The following INF2 variants were observed in gnomAD, a reference collection of about 807,000 sequenced individuals.
INF2 encodes the protein inverted formin-2.
A neutral mutation model predicts 123.5 loss-of-function variants in INF2; 43 were observed. The ratio of observed to expected loss-of-function variants is 0.35; its 90% CI spans 0.27 to 0.45. INF2 has a LOEUF of 0.45. Ranked by LOEUF, INF2 falls within the 20% of genes least tolerant of loss-of-function variation. The pLI, the probability that INF2 is intolerant of heterozygous loss-of-function variation, is 1.00. For synonymous variants in INF2, 851 were observed against 745.0 expected (o/e 1.14, Z -2.32); for missense variants, 1,453 against 1,682.7 (o/e 0.86, Z 2.39).
intron 19 of INF2, 54 bp downstream of exon 19, chr14:104,713,363 G>C: frequency 6.4e-7 from 1 of 1,559,210 alleles, no homozygotes; most frequent in Non-Finnish European, 8.7e-7. Flanking sequence ...CCTTGTCTGT[G>C]CTCCAGCCTC....
At chr14:104,715,833 G>A in intron 22 of INF2, 1 of 460,648 alleles carries the variant, frequency 2.2e-6, no homozygotes, top group Non-Finnish European at 4.3e-6. Flanking sequence ...ATGTCCCCAG[G>A]AAGTCTGTGA....
intron 15 of INF2, 34 bp downstream of exon 15, chr14:104,711,220 C>T: frequency 6.6e-7 from 1 of 1,504,368 alleles, no homozygotes. Context: ...AATGGGAGGG[C>T]TTCAAGTCCC....
rs749017297 is a variant in INF2 at position 104,709,362 on chromosome 14, G to A, written c.2031G>A (p.Lys677=). 6.2e-7 allele frequency: 1 copy of A among 1,612,950 alleles called. No individual in the cohort carries two copies. Among genetic ancestry groups the A allele is most frequent in the Non-Finnish European group, 8.5e-7 (1 of 1,179,778 alleles). ...TGGAGGTTCTCAAACAACTCCTTAA[G>A]CTCCTTCCCGAGAAGCACGAGGTAA... The part of the protein sequence containing the change: ...FDVEVLKQLL[K]LLPEKHEIEN... Residue 677 remains lysine (K), a synonymous_variant, in exon 11 of 23, where the codon AAG becomes AAA. Transcript: ENST00000392634.
upstream of INF2, chr14:104,689,535 G>T: frequency 1.8e-6 from 1 of 566,780 alleles, no homozygotes; most frequent in Non-Finnish European, 2.1e-6. Flanking sequence ...CCCGCCCCCG[G>T]CCCGCGCTCG....
intron 13 of INF2, among the ~76,000 whole-genome samples, chr14:104,710,403 A>G (rs1889991812): frequency 6.6e-6 from 1 of 151,434 alleles, no homozygotes; most frequent in Non-Finnish European, 1.5e-5. Context: ...GCCCACCGCC[A>G]CTCGGGCACG....
Position 104,701,118 on chromosome 14 carries a change from C to G in INF2, c.-9-239C>G, listed in dbSNP as rs147683425. On this transcript the variant is annotated intron_variant, in intron 1 of 22. Coordinates refer to ENST00000392634, the MANE Select transcript of INF2 (RefSeq NM_022489.4). Reference sequence around the variant, plus strand: ...AGCCCTGAGCCTCGGGGTCCTCATGCGCGCAGTAGGGCCCTTCCTGCCTGC... The same window carrying G: ...AGCCCTGAGCCTCGGGGTCCTCATGGGCGCAGTAGGGCCCTTCCTGCCTGC... Among the ~76,000 whole-genome samples the G allele has an allele frequency of 3.3e-5, 5 of 152,242 alleles. No homozygotes were observed. The East Asian group carries it at 7.7e-4, about 24-fold the overall frequency.
chr14:104,681,567 G>A (rs746573786), exon 1 of INF2: 2 of 1,289,120 alleles, frequency 1.6e-6, no homozygotes, highest in Non-Finnish European at 2.0e-6. Context: ...CACTTCAATT[G>A]GAAAATATGG....
chr14:104,702,245 C>T (rs542883698), intron 2 of INF2, among the ~76,000 whole-genome samples: 1 of 152,284 alleles, frequency 6.6e-6, no homozygotes, highest in African/African-American at 2.4e-5. Context: ...CCAGCGCCTT[C>T]CCTAGCGCCT....
Position 104,701,550 on chromosome 14 carries a change from G to C in INF2, c.185G>C (p.Gly62Ala). 1.2e-6 allele frequency: 2 copies of C among 1,608,586 alleles called. No individual in the cohort carries two copies. Among genetic ancestry groups the C allele is most frequent in the Non-Finnish European group, 1.7e-6 (2 of 1,178,828 alleles). ...GLRKRLEGSD[G>A]GWMVQFLEQS... The stretch of plus-strand genomic sequence containing the variant: ...CGCAAGCGCCTGGAGGGCAGCGACG[G>C]CGGCTGGATGGTGCAGTTCCTGGAG... Residue 62 changes from glycine (G) to alanine (A), a missense_variant, in exon 2 of 23, where the codon GGC becomes GCC. By Grantham distance (60) the Gly-to-Ala change is moderately conservative (BLOSUM62 0). Transcript: ENST00000392634.
At chr14:104,689,590 T>TCCCC, upstream of INF2, 1 of 646,936 alleles carries the variant, frequency 1.5e-6, no homozygotes, top group Non-Finnish European at 1.9e-6. Flanking sequence ...CTCCTCTTCC[T>TCCCC]CCCGCCCGCC....
intron 17 of INF2, 54 bp from the exon 18 acceptor site, chr14:104,712,774 C>T (rs184258839): frequency 1.3e-5 from 20 of 1,542,774 alleles, no homozygotes; most frequent in African/African-American, 1.1e-4. Flanking sequence ...GGCCTCACCC[C>T]GGGTGGTGCC....
chr14:104,712,917 C>G lies in INF2; in HGVS notation c.2700C>G (p.Asp900Glu). Residue 900 changes from aspartate to glutamate, a missense_variant, in exon 18 of 23, where the codon GAC (aspartate) becomes GAG (glutamate). By Grantham distance (45) the Asp-to-Glu change is conservative. Around this residue, in one of 8 missense-constraint regions of INF2, gnomAD observed 212 missense variants for 266.2 expected, o/e 0.80. Transcript: ENST00000392634. ...QRELADYLCEDAQQLSLEDTF... is the reference protein window; with the variant it reads ...QRELADYLCEEAQQLSLEDTF... ...AGCTGGCCGACTACCTGTGTGAGGA[C>G]GCCCAGCAGCTGTCCCTGGAGGACA... The G allele has an allele frequency of 6.2e-7, 1 of 1,612,720 alleles. No homozygotes were observed. The highest frequency in any genetic ancestry group is 8.5e-7 in the Non-Finnish European group (1 of 1,179,816).
At chr14:104,685,433 T>C (rs949297408), upstream of INF2, among the ~76,000 whole-genome samples, 1 of 152,060 alleles carries the variant, frequency 6.6e-6, no homozygotes, top group Non-Finnish European at 1.5e-5. Flanking sequence ...AGCTGCCAGC[T>C]ACAGAGCAAA....
intron 8 of INF2, 154 bp downstream of exon 8, chr14:104,708,156 G>A (rs1013126510): frequency 1.0e-5 from 13 of 1,256,314 alleles, no homozygotes; most frequent in South Asian, 1.4e-5. Flanking sequence ...GGCGCCTGTG[G>A]TTGAGGTGGG....
At chr14:104,687,161 G>A (rs1041537861), upstream of INF2, among the ~76,000 whole-genome samples, 4 of 152,138 alleles carry the variant, frequency 2.6e-5, no homozygotes, top group Non-Finnish European at 4.4e-5. The surrounding 1 kb of genome is among the most constrained non-coding windows in gnomAD (Gnocchi z 5.6). Flanking sequence ...TCCGGAAGCC[G>A]CAGGCAGTGG....
chr14:104,700,736 C>T (rs1889439114), intron 1 of INF2: 3 of 548,242 alleles, frequency 5.5e-6, no homozygotes, highest in South Asian at 7.9e-5. Flanking sequence ...CAAGGGTTTC[C>T]GTCTTCCTGT....
At chr14:104,693,302 C>T (rs1376117466) in intron 1 of INF2, among the ~76,000 whole-genome samples, 1 of 152,164 alleles carries the variant, frequency 6.6e-6, no homozygotes, top group Non-Finnish European at 1.5e-5. Flanking sequence ...GATTGGAGGG[C>T]TGTCCTACTG....
chr14:104,682,385 A>G (rs946091537), intron 1 of INF2, among the ~76,000 whole-genome samples: 15 of 152,214 alleles, frequency 9.9e-5, no homozygotes, highest in African/African-American at 1.9e-4. Context: ...TTTCCATGAA[A>G]AAAGCATAGT....
At chr14:104,687,809 C>G (rs970251494), upstream of INF2, among the ~76,000 whole-genome samples, 1 of 152,224 alleles carries the variant, frequency 6.6e-6, no homozygotes, top group Non-Finnish European at 1.5e-5. This position sits in a 1 kb window ranked among gnomAD's most constrained non-coding sequence, Gnocchi z 5.6. Context: ...GACTTTCCCC[C>G]AGGCAGGTGG....
Sources: allele counts gnomAD v4.1 joint callset (sites outside exome capture counted in the v4.1 genomes callset), GRCh38; gene constraint gnomAD v4.1.1; regional missense constraint gnomAD v4.1.1; non-coding constraint Gnocchi (gnomAD v3.1); transcripts MANE v1.5; gene names NCBI Gene and HGNC (gene_info 2026-07-23, HGNC 2026-07-21).